The following RARB variants were observed in gnomAD, a reference collection of about 807,000 sequenced individuals.
RARB encodes HBV-activated protein.
Under a neutral mutation model 51.9 loss-of-function variants are expected in RARB, and 17 were observed. That is an observed-to-expected ratio of 0.33 (90% CI 0.22 to 0.49). The LOEUF is 0.49. Among genes scored for constraint, RARB ranks in the 20% least tolerant of loss-of-function variants. The pLI is 0.99. For missense variants in RARB, 369 were observed against 550.8 expected (o/e 0.67, Z 3.30); for synonymous variants, 215 against 195.4 (o/e 1.10, Z -0.84).
intron 5 of RARB, among the ~76,000 whole-genome samples, chr3:25,209,087 C>T (rs984850293): frequency 6.6e-6 from 1 of 152,222 alleles, no homozygotes; most frequent in Non-Finnish European, 1.5e-5. Context: ...TCACTGTCAG[C>T]ATAACAAGTG....
intron 3 of RARB, among the ~76,000 whole-genome samples, chr3:25,558,753 C>T (rs556914737): frequency 1.8e-4 from 28 of 152,244 alleles, no homozygotes; most frequent in Middle Eastern, 3.4e-3. Context: ...GGCTTCCCTA[C>T]TCCCCACCAG....
At chr3:25,324,557 G>A in intron 5 of RARB, 1 of 163,714 alleles carries the variant, frequency 6.1e-6, no homozygotes, top group Non-Finnish European at 1.4e-5. Flanking sequence ...CGGGGATCAA[G>A]CATGAATTAC....
chr3:25,023,370 A>G (rs966919434), intron 2 of RARB, among the ~76,000 whole-genome samples: 3 of 152,168 alleles, frequency 2.0e-5, no homozygotes, highest in African/African-American at 7.2e-5. Context: ...GGTTAAAATG[A>G]TGGCTTCTTT....
At chr3:24,980,980 C>T (rs1022446315) in intron 2 of RARB, among the ~76,000 whole-genome samples, 1 of 151,854 alleles carries the variant, frequency 6.6e-6, no homozygotes, top group Admixed American at 6.6e-5. Context: ...GATGCTGATG[C>T]TATTCCTTTC....
chr3:25,279,604 T>C (rs775612535), intron 5 of RARB, among the ~76,000 whole-genome samples: 1 of 152,002 alleles, frequency 6.6e-6, no homozygotes, highest in Non-Finnish European at 1.5e-5. Flanking sequence ...TTAAATGTTT[T>C]TCTCTGACAG....
In RARB at chr3:25,199,103, A is replaced by C. The variant is rs138307358; in HGVS notation, c.178+24528A>C. On this transcript the variant is annotated intron_variant, in intron 5 of 11. Coordinates refer to the RARB transcript ENST00000383772. The stretch of plus-strand genomic sequence containing the variant: ...TGGTATGTATACACAATGGAGTACT[A>C]CTATTCAACCATGAAAAACAATGAG... Among the ~76,000 whole-genome samples, 760 of 152,270 alleles carry C rather than the reference A, an allele frequency of 5.0e-3. 14 individuals carry two copies. Among genetic ancestry groups the C allele is most frequent in the African/African-American group, 0.016 (668 of 41,568 alleles).
At chr3:24,941,070 T>G (rs1695656286) in intron 2 of RARB, among the ~76,000 whole-genome samples, 1 of 152,112 alleles carries the variant, frequency 6.6e-6, no homozygotes, top group African/African-American at 2.4e-5. Context: ...TAGGGGGAAA[T>G]TTTTATTGTT....
intron 3 of RARB, among the ~76,000 whole-genome samples, chr3:25,111,728 G>A (rs1341171869): frequency 2.6e-5 from 4 of 151,228 alleles, no homozygotes; most frequent in Admixed American, 6.6e-5. Flanking sequence ...ACAGGCACCC[G>A]CCACCATGCC....
At chr3:25,270,265 T>C (rs889294616) in intron 5 of RARB, among the ~76,000 whole-genome samples, 1 of 152,146 alleles carries the variant, frequency 6.6e-6, no homozygotes, top group Non-Finnish European at 1.5e-5. Context: ...ATAAGCCAAA[T>C]GCGGTCTGTA....
chr3:25,413,505 T>G (rs1048223188), intron 5 of RARB, among the ~76,000 whole-genome samples: 2 of 152,184 alleles, frequency 1.3e-5, no homozygotes, highest in Non-Finnish European at 2.9e-5. Context: ...GAAATGGAAT[T>G]ATCAGCTATG....
intron 3 of RARB, among the ~76,000 whole-genome samples, chr3:25,112,174 T>C (rs995266537): frequency 6.6e-6 from 1 of 152,206 alleles, no homozygotes; most frequent in Non-Finnish European, 1.5e-5. Context: ...TCAAGATCTG[T>C]AAATGAGACC....
intron 5 of RARB, among the ~76,000 whole-genome samples, chr3:25,247,134 G>A (rs777854164): frequency 1.3e-5 from 2 of 152,146 alleles, no homozygotes; most frequent in East Asian, 1.9e-4. Context: ...GGGGAAAATC[G>A]CCTACTCATG....
At chr3:25,019,723 G>A (rs1697587581) in intron 2 of RARB, among the ~76,000 whole-genome samples, 1 of 152,196 alleles carries the variant, frequency 6.6e-6, no homozygotes, top group Non-Finnish European at 1.5e-5. Context: ...GAAGACTGAG[G>A]CATAACTTGG....
At chr3:25,439,960 A>C (rs573230806) in intron 1 of RARB, among the ~76,000 whole-genome samples, 1 of 152,136 alleles carries the variant, frequency 6.6e-6, no homozygotes, top group African/African-American at 2.4e-5. Flanking sequence ...TTGGGTAGAC[A>C]TTCTTCGTGC....
intron 2 of RARB, among the ~76,000 whole-genome samples, chr3:24,903,323 ACTAG>A (rs558940133): frequency 8.9e-4 from 135 of 152,244 alleles, no homozygotes; most frequent in African/African-American, 2.7e-3. Context: ...GAAGGGAAAC[ACTAG>A]TATAAGAAAA....
intron 1 of RARB, among the ~76,000 whole-genome samples, chr3:24,848,816 G>A (rs1702517723): frequency 6.6e-6 from 1 of 152,222 alleles, no homozygotes; most frequent in Admixed American, 6.5e-5. Context: ...GCCTTAGTGT[G>A]ACCTTTCAGG....
intron 2 of RARB, among the ~76,000 whole-genome samples, chr3:25,482,603 G>A (rs1181131527): frequency 2.2e-5 from 3 of 136,136 alleles, no homozygotes; most frequent in Non-Finnish European, 4.5e-5. Context: ...GCAGTGGCGT[G>A]ATCTCGGCTC....
At chr3:25,476,749 C>T (rs893266323) in intron 2 of RARB, among the ~76,000 whole-genome samples, 2 of 152,116 alleles carry the variant, frequency 1.3e-5, no homozygotes, top group Non-Finnish European at 2.9e-5. Context: ...TTGAGTCTTC[C>T]CTGGAGTAGA....
At chr3:24,909,766 G>C (rs753893663) in intron 2 of RARB, among the ~76,000 whole-genome samples, 11 of 152,006 alleles carry the variant, frequency 7.2e-5, no homozygotes, top group Non-Finnish European at 1.5e-4. Flanking sequence ...TATGTAACCT[G>C]AGTGGTCTAC....
Sources: gnomAD v4.1 joint callset for allele counts (sites outside exome capture counted in the v4.1 genomes callset) on GRCh38, gnomAD v4.1.1 for gene constraint, MANE v1.5 for transcripts, NCBI Gene and HGNC (gene_info 2026-07-23, HGNC 2026-07-21) for gene names.